Variants in BPIFA2 observed in about 807,000 individuals in gnomAD.
BPIFA2 encodes the protein BPI fold-containing family A member 2.
BPIFA2 carries 20 observed loss-of-function variants against 25.7 expected under a neutral mutation model. The observed-to-expected ratio is 0.78, with a 90% CI of 0.55 to 1.13. The LOEUF is 1.13. Ranked by LOEUF, BPIFA2 falls within the 50% of genes most tolerant of loss-of-function variation. The pLI is 0.00. For synonymous variants in BPIFA2, 126 were observed against 124.3 expected, an observed-to-expected ratio of 1.01 and a Z score of -0.09; for missense variants, 300 against 298.1, an observed-to-expected ratio of 1.01 and a Z score of -0.05.
rs1050135874 is a variant in BPIFA2 at position 33,181,380 on chromosome 20, T to G, written c.*194T>G. The stretch of plus-strand genomic sequence containing the variant: ...AGAACAGCAGCCTCTACACATGTTG[T>G]CCTGCCCCTGGCAATAAAGGCCCAT... On this transcript the variant is annotated 3_prime_UTR_variant, in exon 9 of 9. Transcript: ENST00000354932. The G allele has an allele frequency of 6.6e-6, 1 of 152,386 alleles. No homozygotes were observed. The highest frequency in any genetic ancestry group is 2.4e-5 in the African/African-American group (1 of 41,460). The allele number at this position is 152,386 out of a possible 1,614,324, so 9.4% of individuals were successfully genotyped here. A position where few individuals can be genotyped will look rare whatever the true frequency, so the allele number is the denominator to read the frequency against.
chr20:33,169,095 G>A (rs1396486914), intron 1 of BPIFA2, 36 bp from the exon 2 acceptor site: 3 of 1,556,966 alleles, frequency 1.9e-6, no homozygotes, highest in South Asian at 2.2e-5. Context: ...TTCCCTCTGG[G>A]CAATTCTCAC....
chr20:33,172,985 T>A lies in BPIFA2; in HGVS notation c.211T>A (p.Trp71Arg). ...AGGAGTGCTTCAGAAATCCAGTGCT[T>A]GGCAACTGGCCAAGCAGAAGGCCCA... Reference protein sequence around the residue: ...DLGVLQKSSAWQLAKQKAQEA... With the variant: ...DLGVLQKSSARQLAKQKAQEA... Residue 71 changes from tryptophan (W) to arginine (R), a missense_variant, in exon 3 of 9, where the codon TGG becomes AGG. Coordinates refer to ENST00000354932, the MANE Select transcript of BPIFA2 (RefSeq NM_080574.4). 6.2e-7 allele frequency: 1 copy of A among 1,614,074 alleles called. No individual in the cohort carries two copies. Among genetic ancestry groups the A allele is most frequent in the Non-Finnish European group, 8.5e-7 (1 of 1,180,010 alleles).
At chr20:33,174,731 C>G (rs1480600411) in intron 4 of BPIFA2, among the ~76,000 whole-genome samples, 3 of 151,954 alleles carry the variant, frequency 2.0e-5, no homozygotes, top group Admixed American at 1.3e-4. Flanking sequence ...GACAATATGA[C>G]AAAACCCTGT....
At chr20:33,173,949 G>A (rs1420097646) in intron 3 of BPIFA2, 130 bp from the exon 4 acceptor site, 9 of 699,030 alleles carry the variant, frequency 1.3e-5, no homozygotes, top group Non-Finnish European at 2.1e-5. Context: ...CCTCTGAACA[G>A]GGCTATAGTG....
intron 2 of BPIFA2, among the ~76,000 whole-genome samples, chr20:33,169,995 C>T (rs1374706435): frequency 3.3e-5 from 5 of 152,188 alleles, no homozygotes; most frequent in Admixed American, 6.5e-5. Flanking sequence ...ATTAGCAGCA[C>T]ATCAAAAACA....
Position 33,172,925 on chromosome 20 carries a change from T to G in BPIFA2, c.158-7T>G. On this transcript the variant is annotated splice_polypyrimidine_tract_variant and splice_region_variant and intron_variant, in intron 2 of 8. Coordinates refer to ENST00000354932, the MANE Select transcript of BPIFA2 (RefSeq NM_080574.4). ...GCGTGACACAAAATGGCGATTGTTT[T>G]TGGCAGGCATCCTTGAGAAACTGAA... The G allele has an allele frequency of 6.2e-7, 1 of 1,611,746 alleles. No homozygotes were observed. The highest frequency in any genetic ancestry group is 8.5e-7 in the Non-Finnish European group (1 of 1,178,998).
At position 33,178,127 on chromosome 20, in the gene BPIFA2, T is replaced by C; in HGVS notation, c.564-20T>C. The C allele has an allele frequency of 6.4e-7, 1 of 1,571,424 alleles. No homozygotes were observed. On this transcript the variant is annotated intron_variant, in intron 5 of 8. Transcript: ENST00000354932. Reference sequence around the variant, plus strand: ...TCTTGCCCACTTGACCAGACTTTAATAGTTCCCTGTGTTTTCCAGACACAG... The same window carrying C: ...TCTTGCCCACTTGACCAGACTTTAACAGTTCCCTGTGTTTTCCAGACACAG...
chr20:33,174,315 T>A (rs1017213544), intron 4 of BPIFA2, 129 bp downstream of exon 4: 12 of 752,654 alleles, frequency 1.6e-5, no homozygotes, highest in Middle Eastern at 2.7e-4. Flanking sequence ...AATCTGTGAG[T>A]GAGAGAACCC....
At position 33,175,537 on chromosome 20, in the gene BPIFA2, A is replaced by C. The variant is rs142661634; in HGVS notation, c.541A>C (p.Ile181Leu). ...LGECASDPTS[I>L]SLSLLDKHSQ... ...AGAATGCGCCAGTGACCCAACCAGC[A>C]TCTCACTTTCCTTGCTGGACAAGTA... Residue 181 changes from isoleucine (I) to leucine (L), a missense_variant, in exon 5 of 9, where the codon ATC (isoleucine) becomes CTC (leucine). By Grantham distance (5) the Ile-to-Leu change is conservative. Transcript: ENST00000354932. The C allele has an allele frequency of 1.8e-4, 283 of 1,614,106 alleles. 2 individuals carry two copies. In the African/African-American group the frequency reaches 3.3e-3, roughly 19 times the overall value.
At chr20:33,173,954 A>G (rs1268751372) in intron 3 of BPIFA2, 125 bp from the exon 4 acceptor site, 14 of 717,298 alleles carry the variant, frequency 2.0e-5, no homozygotes, top group Admixed American at 6.2e-5. Context: ...GAACAGGGCT[A>G]TAGTGAAGAC....
At chr20:33,177,161 C>T (rs940076664) in intron 5 of BPIFA2, among the ~76,000 whole-genome samples, 5 of 152,080 alleles carry the variant, frequency 3.3e-5, no homozygotes, top group Admixed American at 2.0e-4. Flanking sequence ...TCAAGACCAG[C>T]TTGGCCAACA....
chr20:33,164,242 C>T (rs552580162), upstream of BPIFA2, among the ~76,000 whole-genome samples: 102 of 152,302 alleles, frequency 6.7e-4, no homozygotes, highest in African/African-American at 2.4e-3. Context: ...GATACAGGGC[C>T]AGGCCCACTT....
At chr20:33,179,799 C>T in intron 7 of BPIFA2, 132 bp downstream of exon 7, 1 of 918,954 alleles carries the variant, frequency 1.1e-6, no homozygotes, top group Non-Finnish European at 1.8e-6. Flanking sequence ...GGAGCCATGG[C>T]TTCCCCTCCA....
At position 33,174,182 on chromosome 20, in the gene BPIFA2, G is replaced by C; in HGVS notation, c.406G>C (p.Ala136Pro). ...SFPVTANVTV[A>P]GPIIGQIINL... ...CCCTGTCACCGCGAATGTCACTGTG[G>C]CCGGGTGAGTATGCACTAGAATCTG... The change falls in exon 4 of 9, where the codon GCC becomes CCC. Residue 136 changes from alanine (A) to proline (P), a missense_variant. By Grantham distance (27) the Ala-to-Pro change is conservative. Coordinates refer to ENST00000354932, the MANE Select transcript of BPIFA2 (RefSeq NM_080574.4). The C allele has an allele frequency of 5.0e-6, 8 of 1,613,952 alleles. No homozygotes were observed. The highest frequency in any genetic ancestry group is 6.8e-6 in the Non-Finnish European group (8 of 1,179,832).
intron 7 of BPIFA2, among the ~76,000 whole-genome samples, chr20:33,180,226 GA>G (rs928919256): frequency 2.8e-3 from 381 of 138,232 alleles, no homozygotes; most frequent in South Asian, 7.7e-3. Context: ...CTCAAAAAAA[GA>G]AAAAAAAAAA....
At chr20:33,178,026 T>C in intron 5 of BPIFA2, 121 bp from the exon 6 acceptor site, 1 of 631,154 alleles carries the variant, frequency 1.6e-6, no homozygotes, top group Non-Finnish European at 2.7e-6. Context: ...TGTTAAAGTG[T>C]CTCCATGTCC....
Position 33,173,093 on chromosome 20 carries a change from G to A in BPIFA2, c.302+17G>A. ...CATTTTTGGGTGAGTTGGTCCTTCA[G>A]GGTGGAGATCTTTGCTCTAAGGAAA... On this transcript the variant is annotated intron_variant, in intron 3 of 8. Transcript: ENST00000354932. 6.2e-7 allele frequency: 1 copy of A among 1,612,202 alleles called. No individual in the cohort carries two copies.
intron 5 of BPIFA2, among the ~76,000 whole-genome samples, chr20:33,176,854 C>T (rs969710404): frequency 3.3e-5 from 5 of 152,134 alleles, no homozygotes; most frequent in African/African-American, 1.2e-4. Context: ...GGCTCTTTCC[C>T]AGCTTAAGAC....
At chr20:33,179,502 G>A (rs544972245) in intron 6 of BPIFA2, 102 bp from the exon 7 acceptor site, 348 of 879,936 alleles carry the variant, frequency 4.0e-4, no homozygotes, top group South Asian at 9.5e-4. Flanking sequence ...CCCTAGAAAT[G>A]AGCTCATCTG....
Sources: gnomAD v4.1 joint callset for allele counts (sites outside exome capture counted in the v4.1 genomes callset) on GRCh38, gnomAD v4.1.1 for gene constraint, MANE v1.5 for transcripts, NCBI Gene and HGNC (gene_info 2026-07-23, HGNC 2026-07-21) for gene names.